The following BLTP2 variants were observed in gnomAD, a reference collection of about 807,000 sequenced individuals.
BLTP2 encodes bridge-like lipid transfer protein family member 2.
chr17:28,642,078 C>A, the BLTP2 span: 4 of 1,613,264 alleles, frequency 2.5e-6, no homozygotes, highest in Non-Finnish European at 3.4e-6. Context: ...CAGGTGTCCT[C>A]CTGTGGGGAT....
chr17:28,634,744 T>C, the BLTP2 span: 2 of 1,614,026 alleles, frequency 1.2e-6, no homozygotes, highest in Non-Finnish European at 1.7e-6. Context: ...ACGGGAACGC[T>C]GGATGTAGAT....
chr17:28,637,669 CTTATT>C, the BLTP2 span, among the ~76,000 whole-genome samples: 16 of 152,228 alleles, frequency 1.1e-4, no homozygotes, highest in South Asian at 2.1e-4. Flanking sequence ...TATTTATTTA[CTTATT>C]TTATTTTATT....
At chr17:28,637,822 C>T in the BLTP2 span, 1 of 1,611,344 alleles carries the variant, frequency 6.2e-7, no homozygotes, top group Non-Finnish European at 8.5e-7. Context: ...GTATAGACTC[C>T]TTGTCCCACT....
the BLTP2 span, chr17:28,636,998 G>GGA: frequency 6.2e-7 from 1 of 1,614,198 alleles, no homozygotes. Context: ...GATAGGTGAT[G>GGA]GAGAGCATGG....
the BLTP2 span, chr17:28,618,817 C>T: frequency 6.2e-7 from 1 of 1,614,118 alleles, no homozygotes; most frequent in Non-Finnish European, 8.5e-7. Flanking sequence ...CTCTGCAGTT[C>T]TAATTCAGCA....
chr17:28,632,857 C>A, the BLTP2 span: 1 of 1,067,064 alleles, frequency 9.4e-7, no homozygotes, highest in East Asian at 2.6e-5. Flanking sequence ...CCCCTCCCCT[C>A]CCCAGAGGGT....
chr17:28,641,807 G>T, the BLTP2 span: 1 of 1,198,510 alleles, frequency 8.3e-7, no homozygotes, highest in Non-Finnish European at 1.2e-6. Flanking sequence ...ATCTAAATAA[G>T]CAGTGAGACC....
At chr17:28,634,807 G>A in the BLTP2 span, 1 of 1,613,888 alleles carries the variant, frequency 6.2e-7, no homozygotes, top group Non-Finnish European at 8.5e-7. Context: ...TTTGCGGGCA[G>A]GCAACAACTC....
At chr17:28,615,804 A>C in the BLTP2 span, 1 of 1,613,534 alleles carries the variant, frequency 6.2e-7, no homozygotes. Flanking sequence ...TCACCCTGTA[A>C]GAGGAGGGGG....
chr17:28,645,023 G>C, the BLTP2 span: 168 of 1,601,048 alleles, frequency 1.0e-4, no homozygotes, highest in Non-Finnish European at 1.3e-4. Flanking sequence ...GCAACTAGCA[G>C]CAAGACCAAC....
At chr17:28,621,193 T>G in the BLTP2 span, 3 of 1,607,156 alleles carry the variant, frequency 1.9e-6, no homozygotes, top group Non-Finnish European at 1.7e-6. Context: ...GGGAAAGAGA[T>G]AAGAAAAAGA....
chr17:28,639,568 ATCACACCTGCACAC>A, the BLTP2 span: 2 of 1,614,062 alleles, frequency 1.2e-6, no homozygotes, highest in Non-Finnish European at 1.7e-6. Context: ...TACCACAATC[ATCACACCTGCACAC>A]TAGCCTTGAG....
chr17:28,640,548 G>C, the BLTP2 span: 2 of 1,613,836 alleles, frequency 1.2e-6, no homozygotes, highest in African/African-American at 1.3e-5. Flanking sequence ...TCTGTGTCAG[G>C]AGAGACCTCA....
the BLTP2 span, among the ~76,000 whole-genome samples, chr17:28,625,937 G>C: frequency 1.3e-5 from 2 of 152,070 alleles, no homozygotes; most frequent in Non-Finnish European, 2.9e-5. Flanking sequence ...GCTAATTTTT[G>C]TATTTTTAGT....
chr17:28,617,160 A>C, the BLTP2 span: 11 of 1,359,970 alleles, frequency 8.1e-6, no homozygotes, highest in Non-Finnish European at 1.2e-5. Flanking sequence ...GTGGATTTAT[A>C]CTGAAGGGCC....
the BLTP2 span, chr17:28,621,103 G>A: frequency 2.5e-6 from 4 of 1,614,160 alleles, no homozygotes; most frequent in Non-Finnish European, 3.4e-6. Context: ...AGTACATTCG[G>A]CAGTTGCAAC....
chr17:28,631,504 C>T, the BLTP2 span: 6 of 1,613,824 alleles, frequency 3.7e-6, no homozygotes, highest in Admixed American at 1.7e-5. Context: ...ATTGCTATGC[C>T]GTTGGTAGGT....
At chr17:28,630,437 C>T in the BLTP2 span, among the ~76,000 whole-genome samples, 2 of 150,590 alleles carry the variant, frequency 1.3e-5, no homozygotes, top group African/African-American at 4.9e-5. Flanking sequence ...GGATTACAGG[C>T]ATGAGCCACC....
the BLTP2 span, chr17:28,640,705 G>C: frequency 8.2e-5 from 132 of 1,612,030 alleles, no homozygotes; most frequent in Admixed American, 2.1e-3. Flanking sequence ...AATGAATAAC[G>C]TAAGAACCAT....
Sources: allele counts gnomAD v4.1 joint callset (sites outside exome capture counted in the v4.1 genomes callset), GRCh38; gene constraint gnomAD v4.1.1; transcripts MANE v1.5; gene names NCBI Gene and HGNC (gene_info 2026-07-23, HGNC 2026-07-21).